NAALADL2: variants seen among roughly 807,000 people sequenced by gnomAD.
NAALADL2 encodes N-acetylated alpha-linked acidic dipeptidase like 2.
NAALADL2 carries 76 observed loss-of-function variants against 87.2 expected under a neutral mutation model. The observed-to-expected ratio is 0.87, with a 90% CI of 0.72 to 1.05. The LOEUF is 1.05. NAALADL2 is among the 50% of genes least tolerant of loss of function. NAALADL2 has a pLI of 0.00. For missense variants in NAALADL2, 1,089 were observed against 945.8 expected (o/e 1.15, Z -1.99); for synonymous variants, 354 against 331.0 (o/e 1.07, Z -0.75).
chr3:175,009,595 A>T (rs577387146), intron 1 of NAALADL2, among the ~76,000 whole-genome samples: 25 of 152,310 alleles, frequency 1.6e-4, no homozygotes, highest in Admixed American at 1.0e-3. Context: ...ATATCTGCAG[A>T]TGCTATATGA....
intron 5 of NAALADL2, among the ~76,000 whole-genome samples, chr3:175,422,383 A>G (rs565133637): frequency 1.3e-5 from 2 of 152,274 alleles, no homozygotes; most frequent in Admixed American, 1.3e-4. Context: ...TGCATGAAAT[A>G]GATAATCTTA....
chr3:174,581,465 C>T (rs1219715600), intron 2 of NAALADL2, among the ~76,000 whole-genome samples: 4 of 151,778 alleles, frequency 2.6e-5, no homozygotes, highest in African/African-American at 7.3e-5. Context: ...AAGAGCATGC[C>T]ATTTTCTAAA....
chr3:174,753,388 T>C (rs986692125), intron 3 of NAALADL2, among the ~76,000 whole-genome samples: 1 of 152,234 alleles, frequency 6.6e-6, no homozygotes, highest in Non-Finnish European at 1.5e-5. Flanking sequence ...CCCCTTTTTT[T>C]CTTAAGGATT....
At chr3:174,567,031 T>C (rs1202012808) in intron 2 of NAALADL2, among the ~76,000 whole-genome samples, 1 of 151,684 alleles carries the variant, frequency 6.6e-6, no homozygotes, top group Non-Finnish European at 1.5e-5. Flanking sequence ...ATTGGGCTTA[T>C]CATACTACTA....
At chr3:174,776,303 G>A (rs1715207495) in intron 3 of NAALADL2, among the ~76,000 whole-genome samples, 1 of 152,098 alleles carries the variant, frequency 6.6e-6, no homozygotes, top group African/African-American at 2.4e-5. Flanking sequence ...TTCGCAAAGT[G>A]TATACGATCT....
intron 1 of NAALADL2, among the ~76,000 whole-genome samples, chr3:174,521,497 G>T (rs2108412921): frequency 6.8e-6 from 1 of 147,848 alleles, no homozygotes; most frequent in East Asian, 2.1e-4. Context: ...GCTTGAGCCT[G>T]GGAGACCGAG....
Position 175,715,878 on chromosome 3 carries a change from A to G in NAALADL2, c.1897-21428A>G, listed in dbSNP as rs186692380. ...TGACAGAGCAAGACTCTGTCAAAAT[A>G]AAAAATAATTAAAAAATAAAAAAAG... On this transcript the variant is annotated intron_variant, in intron 11 of 13. Coordinates refer to ENST00000454872, the MANE Select transcript of NAALADL2 (RefSeq NM_207015.3). Among the ~76,000 whole-genome samples the G allele has an allele frequency of 2.4e-3, 366 of 152,206 alleles. 1 individual carries two copies. Among genetic ancestry groups the G allele is most frequent in the African/African-American group, 7.0e-3 (291 of 41,540 alleles).
chr3:174,790,972 G>A (rs1717395077), intron 3 of NAALADL2, among the ~76,000 whole-genome samples: 1 of 152,010 alleles, frequency 6.6e-6, no homozygotes, highest in African/African-American at 2.4e-5. Context: ...TTGCGTTTTG[G>A]AGTTTGCTTT....
intron 4 of NAALADL2, among the ~76,000 whole-genome samples, chr3:175,313,458 G>A (rs901351447): frequency 6.6e-6 from 1 of 152,180 alleles, no homozygotes; most frequent in Non-Finnish European, 1.5e-5. Flanking sequence ...GCTAAATGAT[G>A]GAAATAATAC....
chr3:175,046,514 G>A (rs922068866), intron 1 of NAALADL2, among the ~76,000 whole-genome samples: 2 of 152,000 alleles, frequency 1.3e-5, no homozygotes, highest in African/African-American at 4.8e-5. Context: ...TCATTTCATC[G>A]AAGCCCTCTC....
intron 9 of NAALADL2, among the ~76,000 whole-genome samples, chr3:175,520,630 G>A (rs1670433649): frequency 6.6e-6 from 1 of 152,160 alleles, no homozygotes; most frequent in South Asian, 2.1e-4. Flanking sequence ...TATATATCCA[G>A]AAGAAAGTGA....
At chr3:174,823,859 C>T (rs1291876906) in intron 3 of NAALADL2, among the ~76,000 whole-genome samples, 2 of 152,150 alleles carry the variant, frequency 1.3e-5, no homozygotes, top group Non-Finnish European at 2.9e-5. Flanking sequence ...TACAGGCATG[C>T]ACCACCATGC....
chr3:174,748,703 T>C (rs990589004), intron 3 of NAALADL2, among the ~76,000 whole-genome samples: 1 of 152,202 alleles, frequency 6.6e-6, no homozygotes, highest in African/African-American at 2.4e-5. Context: ...CAATTTTTGA[T>C]ACCAGAGCCA....
intron 5 of NAALADL2, among the ~76,000 whole-genome samples, chr3:175,329,377 T>C (rs1761126516): frequency 6.6e-6 from 1 of 152,188 alleles, no homozygotes; most frequent in South Asian, 2.1e-4. Context: ...CTACTGTCTG[T>C]TGAACATCAC....
rs145939755 is a variant in NAALADL2, at chr3:175,123,462, A to G, written c.545+26171A>G. ...TGCTATGCCCTAATAAAAATTTGAC[A>G]TTGTTCTTGATATACTCATTGTCAC... is the stretch of plus-strand genomic sequence containing the variant. On this transcript the variant is annotated intron_variant, in intron 2 of 13. Transcript: ENST00000454872. 1.3e-3 allele frequency among the ~76,000 whole-genome samples: 203 copies of G among 152,034 alleles called. 2 individuals are homozygous for G. Among genetic ancestry groups the G allele is most frequent in the South Asian group, 8.7e-3 (42 of 4,826 alleles).
chr3:175,470,763 G>C (rs1159106101), intron 8 of NAALADL2, among the ~76,000 whole-genome samples: 1 of 152,150 alleles, frequency 6.6e-6, no homozygotes, highest in East Asian at 1.9e-4. Context: ...GTAAGGAGCA[G>C]AAGAGAAGTG....
intron 3 of NAALADL2, among the ~76,000 whole-genome samples, chr3:175,250,277 G>A (rs1748819324): frequency 6.7e-6 from 1 of 149,806 alleles, no homozygotes; most frequent in Admixed American, 6.6e-5. Context: ...GTGTGTGTGT[G>A]TGTGTGTGTG....
chr3:175,764,242 G>A (rs1748392251), intron 13 of NAALADL2, among the ~76,000 whole-genome samples: 1 of 151,618 alleles, frequency 6.6e-6, no homozygotes, highest in Non-Finnish European at 1.5e-5. Context: ...GCTACATCTT[G>A]GCTAAGCAGA....
chr3:175,345,932 T>C (rs1195746283), intron 5 of NAALADL2, among the ~76,000 whole-genome samples: 7 of 152,192 alleles, frequency 4.6e-5, no homozygotes, highest in Admixed American at 2.0e-4. Flanking sequence ...CTTTGAAAAT[T>C]TACCCTACCC....
Sources: gnomAD v4.1 joint callset for allele counts (sites outside exome capture counted in the v4.1 genomes callset) on GRCh38, gnomAD v4.1.1 for gene constraint, MANE v1.5 for transcripts, NCBI Gene and HGNC (gene_info 2026-07-23, HGNC 2026-07-21) for gene names.